GCC2: variants seen among roughly 807,000 people sequenced by gnomAD.
GCC2 encodes the protein GRIP and coiled-coil domain containing 2, also known as GRIP and coiled-coil domain-containing protein 2.
Under a neutral mutation model 210.6 loss-of-function variants are expected in GCC2, and 120 were observed. The ratio of observed to expected loss-of-function variants is 0.57; its 90% CI spans 0.49 to 0.66. GCC2 has a LOEUF of 0.66. Among genes scored for constraint, GCC2 ranks in the 30% least tolerant of loss-of-function variants. The pLI is 0.00. For missense variants in GCC2, 1,868 were observed against 1,871.9 expected, an observed-to-expected ratio of 1.00 and a Z score of 0.04; for synonymous variants, 703 against 652.7, an observed-to-expected ratio of 1.08 and a Z score of -1.17.
At chr2:108,505,983 CAGAA>C (rs1205756472) in intron 22 of GCC2, among the ~76,000 whole-genome samples, 38 of 152,192 alleles carry the variant, frequency 2.5e-4, no homozygotes, top group African/African-American at 5.8e-4. Flanking sequence ...TATGAAAACA[CAGAA>C]AGGTGTCTGG....
chr2:108,471,846 G>GA lies in GCC2; in HGVS notation c.2520dup (p.Val841SerfsTer20). ...CTTTATTGAGAGACTATGAGCAAGA[G>GA]AAAGTTCTCTTAAGGAAAGAGTTAG... is the stretch of plus-strand genomic sequence containing the variant. On this transcript the variant is annotated frameshift_variant, in exon 6 of 23. Transcript: ENST00000309863. LOFTEE classifies it high-confidence loss of function. 6.2e-7 allele frequency: 1 copy of GA among 1,613,450 alleles called. No individual in the cohort carries two copies. The highest frequency in any genetic ancestry group is 8.5e-7 in the Non-Finnish European group (1 of 1,179,654).
chr2:108,455,560 G>C (rs1240829584), intron 4 of GCC2, among the ~76,000 whole-genome samples: 4 of 149,116 alleles, frequency 2.7e-5, no homozygotes, highest in African/African-American at 7.4e-5. Context: ...GTGAAATTTT[G>C]TTAAATGCAC....
At chr2:108,460,873 G>T (rs1000327263) in intron 4 of GCC2, among the ~76,000 whole-genome samples, 1 of 152,164 alleles carries the variant, frequency 6.6e-6, no homozygotes, top group Non-Finnish European at 1.5e-5. Flanking sequence ...CTCATGAGAT[G>T]TGGTTGTTTA....
intron 7 of GCC2, among the ~76,000 whole-genome samples, chr2:108,474,017 G>A (rs1033646623): frequency 7.2e-5 from 11 of 152,002 alleles, no homozygotes; most frequent in Non-Finnish European, 1.6e-4. Context: ...AATTAGCCGG[G>A]CGTTGTGGCG....
In GCC2 at chr2:108,471,181, G is replaced by A; in HGVS notation, c.1852G>A (p.Glu618Lys). Residue 618 changes from glutamate (E) to lysine (K), a missense_variant, in exon 6 of 23, where the codon GAA becomes AAA. Coordinates refer to ENST00000309863, the MANE Select transcript of GCC2 (RefSeq NM_181453.4). ...EEMDNFHKKC[E>K]REERLILELG... ...AATGGATAATTTCCATAAGAAATGTGAAAGGGAAGAAAGATTGATTCTTGA... is the reference window on the plus strand; with the variant it reads ...AATGGATAATTTCCATAAGAAATGTAAAAGGGAAGAAAGATTGATTCTTGA... 1 of 1,602,584 alleles carries A rather than the reference G, an allele frequency of 6.2e-7. No individual in the cohort carries two copies. Among genetic ancestry groups the A allele is most frequent in the Non-Finnish European group, 8.5e-7 (1 of 1,174,416 alleles).
chr2:108,487,858 C>T, intron 17 of GCC2, 38 bp downstream of exon 17: 1 of 1,565,776 alleles, frequency 6.4e-7, no homozygotes, highest in Middle Eastern at 1.7e-4. Flanking sequence ...TTTCCTCCCA[C>T]AATGCAGGTT....
At chr2:108,484,418 G>A in intron 13 of GCC2, 107 bp downstream of exon 13, 1 of 640,500 alleles carries the variant, frequency 1.6e-6, no homozygotes, top group Non-Finnish European at 2.6e-6. Context: ...TGTCAGTCAG[G>A]TGTTTAACAC....
Position 108,471,384 on chromosome 2 carries a change from T to C in GCC2, c.2055T>C (p.Ala685=). The change falls in exon 6 of 23, where the codon GCT becomes GCC. Residue 685 remains alanine (A), a synonymous_variant. Coordinates refer to ENST00000309863, the MANE Select transcript of GCC2 (RefSeq NM_181453.4). ...VLSEDKEVLS[A]EVKSLYEENN... ...CTGAAGACAAAGAAGTATTGTCAGC[T>C]GAAGTGAAGTCTCTTTATGAGGAAA... 6.2e-7 allele frequency: 1 copy of C among 1,608,248 alleles called. No homozygotes were observed. The highest frequency in any genetic ancestry group is 8.5e-7 in the Non-Finnish European group (1 of 1,178,534).
chr2:108,484,370 G>C, intron 13 of GCC2, 59 bp downstream of exon 13: 1 of 957,970 alleles, frequency 1.0e-6, no homozygotes, highest in Non-Finnish European at 1.5e-6. Context: ...ACTTGATTTG[G>C]TGGGGGGCAT....
intron 13 of GCC2, among the ~76,000 whole-genome samples, chr2:108,484,956 T>C (rs1370497045): frequency 6.6e-6 from 1 of 151,140 alleles, no homozygotes; most frequent in African/African-American, 2.4e-5. Flanking sequence ...ATTAAGAAAA[T>C]GTGGCACATA....
chr2:108,490,986 C>A (rs1164122347), intron 18 of GCC2, among the ~76,000 whole-genome samples: 1 of 152,102 alleles, frequency 6.6e-6, no homozygotes, highest in East Asian at 1.9e-4. Context: ...TCCTCTTCTT[C>A]AGAAATATTA....
intron 19 of GCC2, chr2:108,493,469 T>C (rs1682503592): frequency 1.0e-6 from 1 of 987,690 alleles, no homozygotes; most frequent in Non-Finnish European, 1.2e-6. Context: ...ACTTTTTAAA[T>C]AGAAACATTA....
chr2:108,488,936 AAAATAT>A (rs1407732224), intron 17 of GCC2, among the ~76,000 whole-genome samples: 4 of 152,236 alleles, frequency 2.6e-5, no homozygotes, highest in Non-Finnish European at 4.4e-5. Context: ...ATACATTTCA[AAAATAT>A]AAATGTCACC....
chr2:108,485,720 C>A lies in GCC2; in HGVS notation c.3698C>A (p.Ala1233Glu), dbSNP rs1157870118. 1.9e-6 allele frequency: 3 copies of A among 1,586,972 alleles called. No individual in the cohort carries two copies. In the South Asian group the frequency reaches 3.5e-5, roughly 18 times the overall value. Residue 1233 changes from alanine to glutamate, a missense_variant, in exon 14 of 23, where the codon GCA becomes GAA. By Grantham distance (107) the Ala-to-Glu change is moderately radical. Around this residue, in one of 3 missense-constraint regions of GCC2, gnomAD observed 1,847 missense variants for 1,765.2 expected, o/e 1.05. Coordinates refer to ENST00000309863, the MANE Select transcript of GCC2 (RefSeq NM_181453.4). ...QLLVKTKKEL[A>E]DSKQAETDHL... ...CTTGTGAAAACCAAAAAGGAACTGG[C>A]AGATTCAAAGCAAGCAGTATGTTAA...
chr2:108,469,867 G>A lies in GCC2; in HGVS notation c.538G>A (p.Val180Ile), dbSNP rs201591332. 4 of 1,612,324 alleles carry A rather than the reference G, an allele frequency of 2.5e-6. No homozygotes were observed. Among genetic ancestry groups the A allele is most frequent in the Non-Finnish European group, 3.4e-6 (4 of 1,179,370 alleles). ...LKFQNNSEDN[V>I]KKLQEEIEKI... ...ATTTCAGAACAACTCTGAAGATAAT[G>A]TTAAAAAACTACAAGAAGAGATTGA... is the stretch of plus-strand genomic sequence containing the variant. Residue 180 changes from valine (V) to isoleucine (I), a missense_variant, in exon 6 of 23, where the codon GTT becomes ATT. This residue lies in a region of GCC2 where 1,847 missense variants were observed against 1,765.2 expected (regional missense o/e 1.05). Transcript: ENST00000309863.
chr2:108,452,933 C>G (rs552913169), intron 4 of GCC2, among the ~76,000 whole-genome samples: 2 of 152,090 alleles, frequency 1.3e-5, no homozygotes, highest in Non-Finnish European at 2.9e-5. Flanking sequence ...ACCTCACGAT[C>G]CGCCCGCCTC....
rs764264510 is a variant in GCC2 at position 108,469,779 on chromosome 2, T to C, written c.450T>C (p.Ala150=). The part of the protein sequence containing the change: ...AVRSKYSEDK[A]NLQKQLEEAM... ...GTTCCAAATACAGTGAAGACAAAGC[T>C]AACTTACAAAAGCAGCTGGAAGAAG... is the stretch of plus-strand genomic sequence containing the variant. The change falls in exon 6 of 23, where the codon GCT becomes GCC. Residue 150 remains alanine (A), a synonymous_variant. Coordinates refer to ENST00000309863, the MANE Select transcript of GCC2 (RefSeq NM_181453.4). 6.2e-7 allele frequency: 1 copy of C among 1,613,810 alleles called. No homozygotes were observed. The highest frequency in any genetic ancestry group is 1.3e-5 in the African/African-American group (1 of 74,924).
chr2:108,501,745 A>G (rs3178772), intron 22 of GCC2, among the ~76,000 whole-genome samples: 6 of 152,312 alleles, frequency 3.9e-5, no homozygotes, highest in East Asian at 1.9e-4. Flanking sequence ...TGTTGCTGAT[A>G]CTTCTGGTCT....
At chr2:108,487,053 G>A (rs3820955) in intron 16 of GCC2, among the ~76,000 whole-genome samples, 56,906 of 151,994 alleles carry the variant, frequency 0.37, 12,348 homozygotes, top group East Asian at 0.89. Context: ...TTAGATGCAG[G>A]TCTTATTTAA....
Sources: allele counts gnomAD v4.1 joint callset (sites outside exome capture counted in the v4.1 genomes callset), GRCh38; gene constraint gnomAD v4.1.1; regional missense constraint gnomAD v4.1.1; transcripts MANE v1.5; gene names NCBI Gene and HGNC (gene_info 2026-07-23, HGNC 2026-07-21).